The following OAF variants were observed in gnomAD, a reference collection of about 807,000 sequenced individuals.
The protein encoded by OAF is out at first protein homolog.
OAF carries 13 observed loss-of-function variants against 22.5 expected under a neutral mutation model. The ratio of observed to expected loss-of-function variants is 0.58; its 90% CI spans 0.38 to 0.92. OAF has a LOEUF of 0.92. Among genes scored for constraint, OAF ranks in the 40% least tolerant of loss-of-function variants. OAF has a pLI of 0.00. For synonymous variants in OAF, 175 were observed against 170.5 expected, an observed-to-expected ratio of 1.03 and a Z score of -0.21; for missense variants, 347 against 381.8, an observed-to-expected ratio of 0.91 and a Z score of 0.76.
chr11:120,225,499 G>A (rs1169451884), intron 1 of OAF, among the ~76,000 whole-genome samples, 162 bp from the exon 2 acceptor site: 1 of 152,196 alleles, frequency 6.6e-6, no homozygotes, highest in Non-Finnish European at 1.5e-5. Context: ...TCAAGTCACG[G>A]GTTTAAACGG....
chr11:120,227,096 T>A (rs1215828457), intron 3 of OAF, 100 bp downstream of exon 3: 2 of 766,838 alleles, frequency 2.6e-6, no homozygotes, highest in African/African-American at 3.5e-5. Context: ...ATTAGTTGAG[T>A]CTCATCATTA....
chr11:120,217,578 C>CA (rs35765361), intron 1 of OAF: 19,392 of 150,674 alleles, frequency 0.13, 1,571 homozygotes, highest in South Asian at 0.2. Context: ...GACTCCATCT[C>CA]AAAAAAAAAG....
chr11:120,226,709 C>T (rs1042359268), intron 2 of OAF, 107 bp from the exon 3 acceptor site: 8 of 995,510 alleles, frequency 8.0e-6, no homozygotes, highest in Admixed American at 4.6e-5. Flanking sequence ...ATGGCCCCAG[C>T]GTTCTAAAGG....
chr11:120,225,880 A>C, intron 2 of OAF, 85 bp downstream of exon 2: 1 of 1,284,126 alleles, frequency 7.8e-7, no homozygotes, highest in Non-Finnish European at 1.1e-6. Context: ...CCCGGCCCAG[A>C]TCCTGACCTG....
At chr11:120,222,786 C>A (rs61898288) in intron 1 of OAF, among the ~76,000 whole-genome samples, 6,256 of 152,180 alleles carry the variant, frequency 0.041, 200 homozygotes, top group Admixed American at 0.11. Flanking sequence ...GTGGCCCATG[C>A]CTGTAGTCCC....
chr11:120,214,663 C>T (rs111371593), intron 1 of OAF, among the ~76,000 whole-genome samples: 10 of 152,334 alleles, frequency 6.6e-5, no homozygotes, highest in African/African-American at 1.9e-4. Context: ...CTCTCCAGCC[C>T]TTCCCACCTG....
In OAF at chr11:120,229,264, C is replaced by G. The variant is rs1223159459; in HGVS notation, c.*122C>G. On this transcript the variant is annotated 3_prime_UTR_variant, in exon 4 of 4. Coordinates refer to ENST00000328965, the MANE Select transcript of OAF (RefSeq NM_178507.4). ...CCTCCCCACTCCCCTGGCCCTAGAG[C>G]CTGGGCCCCTCTGGCCCCATCTCAC... The G allele has an allele frequency of 4.4e-6, 4 of 919,284 alleles. No homozygotes were observed. Among genetic ancestry groups the G allele is most frequent in the South Asian group, 1.6e-5 (1 of 61,118 alleles). The allele number at this position is 919,284 out of a possible 1,614,324, so 56.9% of individuals were successfully genotyped here. A position where few individuals can be genotyped will look rare whatever the true frequency, so the allele number is the denominator to read the frequency against.
intron 1 of OAF, among the ~76,000 whole-genome samples, chr11:120,212,827 TG>T: frequency 7.3e-6 from 1 of 137,864 alleles, no homozygotes; most frequent in South Asian, 3.1e-4. Context: ...AGCAGGCAGA[TG>T]GGGGGTGGGG....
chr11:120,216,819 A>T (rs1478440239), intron 1 of OAF, among the ~76,000 whole-genome samples: 3 of 152,178 alleles, frequency 2.0e-5, no homozygotes, highest in Non-Finnish European at 4.4e-5. Flanking sequence ...TAAACTTAGG[A>T]CAGACTCCTG....
rs115121897 is a variant in OAF, at chr11:120,220,346, C to G, written c.232-5315C>G. Among the ~76,000 whole-genome samples the G allele has an allele frequency of 6.1e-3, 935 of 152,266 alleles. 7 individuals are homozygous for G. The highest frequency in any genetic ancestry group is 0.016 in the African/African-American group (673 of 41,542). On this transcript the variant is annotated intron_variant, in intron 1 of 3. Transcript: ENST00000328965. ...CATCAGCACTCACGACCCTTCCCCT[C>G]CTCCCCTAGTACATTCCCACCGCTT...
intron 1 of OAF, among the ~76,000 whole-genome samples, chr11:120,223,605 G>C (rs1938309643): frequency 6.6e-6 from 1 of 152,084 alleles, no homozygotes; most frequent in Non-Finnish European, 1.5e-5. Flanking sequence ...ATAGAAGCAG[G>C]AAAAAAGCTC....
Position 120,211,236 on chromosome 11 carries a change from C to T in OAF, c.-44C>T. 3.5e-5 allele frequency: 41 copies of T among 1,160,538 alleles called. No homozygotes were observed. The highest frequency in any genetic ancestry group is 4.1e-5 in the Non-Finnish European group (39 of 939,918). The allele number at this position is 1,160,538 out of a possible 1,614,324, so 71.9% of individuals were successfully genotyped here. On this transcript the variant is annotated 5_prime_UTR_variant, in exon 1 of 4. Coordinates refer to ENST00000328965, the MANE Select transcript of OAF (RefSeq NM_178507.4). ...AAGTTTGCCTGCGCCTCTCCCCGCC[C>T]CCACGCGGCGCGCCGGGGCCGCGGA...
At chr11:120,214,783 T>G (rs925204030) in intron 1 of OAF, among the ~76,000 whole-genome samples, 1 of 152,342 alleles carries the variant, frequency 6.6e-6, no homozygotes, top group South Asian at 2.1e-4. Context: ...GGAGGACACA[T>G]AGCCTGGAGC....
chr11:120,217,787 G>A (rs1938232016), intron 1 of OAF, among the ~76,000 whole-genome samples: 2 of 152,208 alleles, frequency 1.3e-5, no homozygotes, highest in Non-Finnish European at 2.9e-5. Flanking sequence ...AGAGGCCCGC[G>A]TGGGCATGTG....
chr11:120,228,849 C>T lies in OAF; in HGVS notation c.548-19C>T. 2.1e-6 allele frequency: 1 copy of T among 473,198 alleles called. No individual in the cohort carries two copies. The highest frequency in any genetic ancestry group is 4.1e-6 in the Non-Finnish European group (1 of 245,190). 29.3% of individuals were successfully genotyped at this position (473,198 alleles called of 1,614,324 possible). ...CTCCCTCCCTCCCTCCCTCCCTGAT[C>T]CTTGCCTCTCTCCCCCAGGTGTGGA... is the stretch of plus-strand genomic sequence containing the variant. On this transcript the variant is annotated intron_variant, in intron 3 of 3. Coordinates refer to ENST00000328965, the MANE Select transcript of OAF (RefSeq NM_178507.4).
intron 1 of OAF, among the ~76,000 whole-genome samples, chr11:120,225,073 A>C (rs144785834): frequency 0.03 from 4,596 of 152,114 alleles, 101 homozygotes; most frequent in Middle Eastern, 0.048. Context: ...GAGGCATCCT[A>C]GCTCCCTCAG....
intron 1 of OAF, among the ~76,000 whole-genome samples, chr11:120,211,737 T>TA (rs1938151656): frequency 6.6e-6 from 1 of 151,790 alleles, no homozygotes; most frequent in Non-Finnish European, 1.5e-5. Flanking sequence ...CCTCCAGCGC[T>TA]CCCAGAGCCC....
intron 1 of OAF, among the ~76,000 whole-genome samples, chr11:120,219,874 T>C (rs1343051560): frequency 1.3e-5 from 2 of 152,170 alleles, no homozygotes; most frequent in Non-Finnish European, 2.9e-5. Flanking sequence ...ACTATCAGCC[T>C]GCAGGAGCCC....
rs776223244 is a variant in OAF, at chr11:120,226,903, G to T, written c.454G>T (p.Ala152Ser). 44 of 1,612,556 alleles carry T rather than the reference G, an allele frequency of 2.7e-5. No homozygotes were observed. Among genetic ancestry groups the T allele is most frequent in the South Asian group, 4.4e-5 (4 of 90,904 alleles). ...MDVAVNFSQG[A>S]LLSPHLHNVC... Reference sequence around the variant, plus strand: ...TGTCGCTGTCAACTTCAGCCAGGGGGCCCTGCTGAGCCCCCATCTCCACAA... The same window carrying T: ...TGTCGCTGTCAACTTCAGCCAGGGGTCCCTGCTGAGCCCCCATCTCCACAA... The change falls in exon 3 of 4, where the codon GCC becomes TCC. Residue 152 changes from alanine to serine, a missense_variant. By Grantham distance (99) the Ala-to-Ser change is moderately conservative. Coordinates refer to ENST00000328965, the MANE Select transcript of OAF (RefSeq NM_178507.4).
Sources: allele counts gnomAD v4.1 joint callset (sites outside exome capture counted in the v4.1 genomes callset), GRCh38; gene constraint gnomAD v4.1.1; transcripts MANE v1.5; gene names NCBI Gene and HGNC (gene_info 2026-07-23, HGNC 2026-07-21).